The following CACUL1 variants were observed in gnomAD, a reference collection of about 807,000 sequenced individuals.
CACUL1 encodes CDK2 associated cullin domain 1.
CACUL1 carries 13 observed loss-of-function variants against 45.2 expected under a neutral mutation model. The ratio of observed to expected loss-of-function variants is 0.29; its 90% CI spans 0.19 to 0.46. CACUL1 has a LOEUF of 0.46. CACUL1 is among the 20% of genes least tolerant of loss of function. The pLI, the probability that CACUL1 is intolerant of heterozygous loss-of-function variation, is 1.00. For synonymous variants in CACUL1, 197 were observed against 174.2 expected (o/e 1.13, Z -1.03); for missense variants, 421 against 471.4 (o/e 0.89, Z 0.99).
At chr10:118,726,362 G>A in intron 3 of CACUL1, 1 of 1,282,824 alleles carries the variant, frequency 7.8e-7, no homozygotes, top group Non-Finnish European at 1.0e-6. Flanking sequence ...TAGTTACTCA[G>A]CATTCAGCCA....
chr10:118,735,442 A>G (rs1845731774), intron 1 of CACUL1, among the ~76,000 whole-genome samples: 1 of 152,256 alleles, frequency 6.6e-6, no homozygotes, highest in South Asian at 2.1e-4. Flanking sequence ...TTGCAAATGC[A>G]AACTGTCAGG....
chr10:118,695,330 G>T (rs1469521126), intron 5 of CACUL1, 100 bp from the exon 6 acceptor site: 40 of 725,386 alleles, frequency 5.5e-5, no homozygotes, highest in Non-Finnish European at 8.6e-5. Context: ...ATAAACAATT[G>T]TAAGAAAGGA....
intron 3 of CACUL1, among the ~76,000 whole-genome samples, chr10:118,714,239 A>G (rs1168356027): frequency 6.6e-6 from 1 of 152,174 alleles, no homozygotes. Flanking sequence ...CCACGGGTCT[A>G]TCTTCTACTT....
intron 6 of CACUL1, 196 bp from the exon 7 acceptor site, chr10:118,691,599 G>A (rs758349181): frequency 1.8e-4 from 89 of 488,986 alleles, no homozygotes; most frequent in Middle Eastern, 5.7e-4. Flanking sequence ...CGGGTGCGGC[G>A]GCTCACACCT....
chr10:118,745,140 A>G (rs1236927061), intron 1 of CACUL1, among the ~76,000 whole-genome samples: 1 of 152,228 alleles, frequency 6.6e-6, no homozygotes, highest in Non-Finnish European at 1.5e-5. Context: ...TACTATTTGA[A>G]GGTAGACTGT....
At chr10:118,687,429 C>A (rs1428645380) in intron 7 of CACUL1, among the ~76,000 whole-genome samples, 2 of 152,164 alleles carry the variant, frequency 1.3e-5, no homozygotes, top group Non-Finnish European at 2.9e-5. Flanking sequence ...ATCACTCAAC[C>A]CAAAATCCTT....
chr10:118,722,842 T>C (rs1845614041), intron 3 of CACUL1, among the ~76,000 whole-genome samples: 1 of 152,234 alleles, frequency 6.6e-6, no homozygotes, highest in South Asian at 2.1e-4. Context: ...CAGTGTGCCA[T>C]GTCAGTTGAC....
chr10:118,748,895 A>G (rs2119682663), intron 1 of CACUL1, among the ~76,000 whole-genome samples: 1 of 152,254 alleles, frequency 6.6e-6, no homozygotes, highest in South Asian at 2.1e-4. Context: ...TGAATGGAGG[A>G]GAAGAGGTGT....
chr10:118,729,258 C>T lies in CACUL1; in HGVS notation c.597+37G>A, dbSNP rs750949915. On this transcript the variant is annotated intron_variant, in intron 3 of 8. Coordinates refer to ENST00000369151, the MANE Select transcript of CACUL1 (RefSeq NM_153810.5). Reference sequence around the variant, plus strand: ...AGCTAACTGCAACCAGTCAGGAAAACCCAAGGAAGCAAAAATCAATACAAT... The same window carrying T: ...AGCTAACTGCAACCAGTCAGGAAAATCCAAGGAAGCAAAAATCAATACAAT... 5.4e-6 allele frequency: 8 copies of T among 1,485,614 alleles called. No homozygotes were observed. The Admixed American group carries it at 8.4e-5, about 16-fold the overall frequency. 92.0% of individuals were successfully genotyped at this position (1,485,614 alleles called of 1,614,324 possible). A position where few individuals can be genotyped will look rare whatever the true frequency, so the allele number is the denominator to read the frequency against.
intron 1 of CACUL1, among the ~76,000 whole-genome samples, chr10:118,732,982 T>C (rs1227387752): frequency 6.6e-6 from 1 of 152,178 alleles, no homozygotes; most frequent in Non-Finnish European, 1.5e-5. Context: ...GAAGGTTAGA[T>C]AACACGCTCA....
intron 1 of CACUL1, among the ~76,000 whole-genome samples, chr10:118,740,332 G>A (rs866447581): frequency 3.9e-5 from 6 of 152,144 alleles, no homozygotes; most frequent in African/African-American, 1.2e-4. Flanking sequence ...AATTGTGGCC[G>A]TTTGCAGTGG....
intron 1 of CACUL1, among the ~76,000 whole-genome samples, chr10:118,733,856 TAA>T (rs5788316): frequency 1.3e-5 from 2 of 151,296 alleles, no homozygotes; most frequent in East Asian, 3.9e-4. Flanking sequence ...TACAAAAACT[TAA>T]AAAAAAAAAT....
chr10:118,730,505 C>G (rs1279561937), intron 1 of CACUL1, 95 bp from the exon 2 acceptor site: 1 of 1,219,132 alleles, frequency 8.2e-7, no homozygotes, highest in Non-Finnish European at 1.2e-6. Context: ...CTCTCACTTA[C>G]TCTTCTGATT....
intron 3 of CACUL1, among the ~76,000 whole-genome samples, chr10:118,713,047 C>T (rs937512538): frequency 2.0e-5 from 3 of 152,220 alleles, no homozygotes; most frequent in African/African-American, 7.2e-5. Context: ...TGCCAAGGGG[C>T]GCCTGCAGGC....
chr10:118,729,416 C>A lies in CACUL1; in HGVS notation c.495-19G>T. 6.4e-7 allele frequency: 1 copy of A among 1,556,210 alleles called. No homozygotes were observed. The highest frequency in any genetic ancestry group is 8.8e-7 in the Non-Finnish European group (1 of 1,134,826). ...CACACAACTGTAAAACAAACAAAAACCCCCACAAACCAAGTTAATCATAAA... is the reference window on the plus strand; with the variant it reads ...CACACAACTGTAAAACAAACAAAAAACCCCACAAACCAAGTTAATCATAAA... On this transcript the variant is annotated intron_variant, in intron 2 of 8. Transcript: ENST00000369151.
chr10:118,738,844 A>C (rs924089302), intron 1 of CACUL1, among the ~76,000 whole-genome samples: 1 of 150,782 alleles, frequency 6.6e-6, no homozygotes, highest in Non-Finnish European at 1.5e-5. Context: ...GAAAGGTAAG[A>C]TAAAAATTAA....
chr10:118,730,105 A>C (rs1411123745), intron 2 of CACUL1, among the ~76,000 whole-genome samples, 179 bp downstream of exon 2: 1 of 152,074 alleles, frequency 6.6e-6, no homozygotes, highest in Non-Finnish European at 1.5e-5. Flanking sequence ...TGATCTGAAA[A>C]CCACTTTTGA....
chr10:118,741,591 C>G (rs1589618960), intron 1 of CACUL1, among the ~76,000 whole-genome samples: 2 of 152,164 alleles, frequency 1.3e-5, no homozygotes, highest in Non-Finnish European at 2.9e-5. Context: ...TCCTCACCCC[C>G]AAAATTTTGT....
At chr10:118,744,946 G>A (rs1216720373) in intron 1 of CACUL1, among the ~76,000 whole-genome samples, 1 of 152,006 alleles carries the variant, frequency 6.6e-6, no homozygotes, top group Non-Finnish European at 1.5e-5. Context: ...GAGCCACCGC[G>A]CCCGGCTCAT....
Sources: gnomAD v4.1 joint callset for allele counts (sites outside exome capture counted in the v4.1 genomes callset) on GRCh38, gnomAD v4.1.1 for gene constraint, MANE v1.5 for transcripts, NCBI Gene and HGNC (gene_info 2026-07-23, HGNC 2026-07-21) for gene names.